NOS2: variants seen among roughly 807,000 people sequenced by gnomAD.
NOS2 encodes the protein nitric oxide synthase, inducible.
A neutral mutation model predicts 136.0 loss-of-function variants in NOS2; 96 were observed. That is an observed-to-expected ratio of 0.71 (90% confidence interval 0.60 to 0.84). The LOEUF (loss-of-function observed/expected upper bound fraction) is 0.84, where lower values mean the gene tolerates loss of function less well. NOS2 is among the 40% of genes least tolerant of loss of function. The pLI is 0.00. For synonymous variants in NOS2, 539 were observed against 587.5 expected (o/e 0.92, Z 1.20); for missense variants, 1,237 against 1,496.9 (o/e 0.83, Z 2.87).
intron 17 of NOS2, among the ~76,000 whole-genome samples, chr17:27,768,344 C>T (rs140176744): frequency 5.9e-5 from 9 of 152,322 alleles, no homozygotes; most frequent in Admixed American, 2.0e-4. Context: ...CTCCACTGTG[C>T]CCGACCACTA....
At chr17:27,774,545 A>C in intron 11 of NOS2, 94 bp from the exon 12 acceptor site, 1 of 921,460 alleles carries the variant, frequency 1.1e-6, no homozygotes, top group Non-Finnish European at 1.5e-6. Flanking sequence ...GTGCCTGGGA[A>C]GGCCTGGCAA....
chr17:27,760,747 G>A lies in NOS2; in HGVS notation c.2889-3C>T. The A allele has an allele frequency of 3.2e-6, 5 of 1,549,460 alleles. No individual in the cohort carries two copies. Among genetic ancestry groups the A allele is most frequent in the Non-Finnish European group, 2.6e-6 (3 of 1,146,838 alleles). On this transcript the variant is annotated splice_polypyrimidine_tract_variant and splice_region_variant and intron_variant, in intron 23 of 26. Transcript: ENST00000313735. Reference sequence around the variant, plus strand: ...CGGGGAGGTGGAAGCCGCTGGCACTGAAGAGGACAGGAGAAGAGGGGGCCA... The same window carrying A: ...CGGGGAGGTGGAAGCCGCTGGCACTAAAGAGGACAGGAGAAGAGGGGGCCA...
At chr17:27,795,052 C>A (rs182508070) in intron 2 of NOS2, among the ~76,000 whole-genome samples, 12 of 152,160 alleles carry the variant, frequency 7.9e-5, no homozygotes, top group Non-Finnish European at 1.3e-4. Flanking sequence ...GCCTCTAGCA[C>A]GGTCCCAGTA....
intron 1 of NOS2, among the ~76,000 whole-genome samples, chr17:27,799,738 C>T (rs142270757): frequency 1.4e-5 from 2 of 145,668 alleles, no homozygotes; most frequent in Non-Finnish European, 3.0e-5. Flanking sequence ...CCCAGCTACT[C>T]GGGAGGCTGA....
At chr17:27,774,481 G>T in intron 11 of NOS2, 30 bp from the exon 12 acceptor site, 1 of 1,421,614 alleles carries the variant, frequency 7.0e-7, no homozygotes, top group Non-Finnish European at 9.3e-7. Context: ...AGGGAGTGGA[G>T]ATAAGGGTGG....
intron 5 of NOS2, among the ~76,000 whole-genome samples, chr17:27,787,193 G>A (rs1253869722): frequency 6.6e-6 from 1 of 152,096 alleles, no homozygotes; most frequent in Non-Finnish European, 1.5e-5. Context: ...TAGGAGTAGG[G>A]GCCTGACTAG....
At chr17:27,783,161 A>C in intron 5 of NOS2, 55 bp from the exon 6 acceptor site, 1 of 1,574,270 alleles carries the variant, frequency 6.4e-7, no homozygotes, top group South Asian at 1.1e-5. Flanking sequence ...TTACATGGGG[A>C]TTAATTCAAT....
At position 27,785,738 on chromosome 17, in the gene NOS2, G is replaced by C. The variant is rs187692578; in HGVS notation, c.467+1940C>G. ...TTTGGGAGGCCAAGGCAGGAGGATCGCTTGAGCTCAGGAGTTCAAGACCAG... is the reference window on the plus strand; with the variant it reads ...TTTGGGAGGCCAAGGCAGGAGGATCCCTTGAGCTCAGGAGTTCAAGACCAG... On this transcript the variant is annotated intron_variant, in intron 5 of 26. Transcript: ENST00000313735. Among the ~76,000 whole-genome samples, 77 of 151,142 alleles carry C rather than the reference G, an allele frequency of 5.1e-4. No individual in the cohort carries two copies. The East Asian group carries it at 0.014, about 28-fold the overall frequency.
In NOS2 at chr17:27,789,669, G is replaced by A. The variant is rs1203237188; in HGVS notation, c.130C>T (p.Leu44Phe). Residue 44 changes from leucine to phenylalanine, a missense_variant, in exon 3 of 27, where the codon CTT becomes TTT. By Grantham distance (22) the Leu-to-Phe change is conservative. Around this residue, in one of 3 missense-constraint regions of NOS2, gnomAD observed 440 missense variants for 545.4 expected, o/e 0.81. Transcript: ENST00000313735. Reference protein sequence around the residue: ...ATSSPVTQDDLQYHNLSKQQN... With the variant: ...ATSSPVTQDDFQYHNLSKQQN... ...TGCTTGCTGAGGTTGTGATACTGAAGGTCATCCTGTGTCACTGGACTGTGA... is the reference window on the plus strand; with the variant it reads ...TGCTTGCTGAGGTTGTGATACTGAAAGTCATCCTGTGTCACTGGACTGTGA... 6.2e-7 allele frequency: 1 copy of A among 1,613,922 alleles called. No individual in the cohort carries two copies. Among genetic ancestry groups the A allele is most frequent in the Non-Finnish European group, 8.5e-7 (1 of 1,179,820 alleles).
chr17:27,775,784 CA>C (rs897998381), intron 11 of NOS2, among the ~76,000 whole-genome samples: 8 of 150,202 alleles, frequency 5.3e-5, no homozygotes, highest in Non-Finnish European at 8.9e-5. Context: ...ACCTTGTCTC[CA>C]AAAAAAAAGT....
At chr17:27,772,160 C>G in intron 14 of NOS2, 148 bp downstream of exon 14, 1 of 879,232 alleles carries the variant, frequency 1.1e-6, no homozygotes, top group Non-Finnish European at 1.7e-6. Context: ...TCCCTGCACA[C>G]AAGTCTTTCC....
At chr17:27,770,504 A>G (rs187221239) in intron 15 of NOS2, among the ~76,000 whole-genome samples, 5 of 152,346 alleles carry the variant, frequency 3.3e-5, no homozygotes, top group Admixed American at 2.6e-4. Context: ...AAATAAATAA[A>G]TAAACAAACA....
At chr17:27,766,460 A>G (rs1187053269) in intron 19 of NOS2, 50 bp downstream of exon 19, 1 of 1,448,268 alleles carries the variant, frequency 6.9e-7, no homozygotes, top group South Asian at 1.1e-5. Flanking sequence ...TTCATTCGTT[A>G]AAATAAAATC....
At chr17:27,777,065 T>C (rs1908681227) in intron 11 of NOS2, among the ~76,000 whole-genome samples, 1 of 152,170 alleles carries the variant, frequency 6.6e-6, no homozygotes, top group South Asian at 2.1e-4. Context: ...GGATGTGTGG[T>C]GCAAAGCCAG....
chr17:27,777,992 G>T (rs1419988826), intron 11 of NOS2, among the ~76,000 whole-genome samples: 1 of 151,466 alleles, frequency 6.6e-6, no homozygotes, highest in Non-Finnish European at 1.5e-5. Context: ...CAGTGATCAT[G>T]CCACTGCATT....
At chr17:27,789,749 T>C (rs968371599) in intron 2 of NOS2, 61 bp from the exon 3 acceptor site, 11 of 1,178,974 alleles carry the variant, frequency 9.3e-6, no homozygotes, top group African/African-American at 1.5e-5. Context: ...CATCTTGGAG[T>C]TCCCTCTGCC....
chr17:27,773,129 C>T (rs372517540), intron 13 of NOS2, 32 bp downstream of exon 13: 5 of 1,517,820 alleles, frequency 3.3e-6, no homozygotes, highest in South Asian at 1.1e-5. Context: ...ATAGTTCACA[C>T]ATCACTACTA....
intron 11 of NOS2, among the ~76,000 whole-genome samples, chr17:27,774,734 C>T (rs151196396): frequency 8.5e-4 from 130 of 152,344 alleles, no homozygotes; most frequent in African/African-American, 2.5e-3. Context: ...GCCTCTCATG[C>T]CCACAGGTCT....
At chr17:27,798,171 T>A (rs2142533060) in intron 2 of NOS2, among the ~76,000 whole-genome samples, 1 of 152,218 alleles carries the variant, frequency 6.6e-6, no homozygotes, top group South Asian at 2.1e-4. Context: ...ATACCACAGG[T>A]GAGCACTAAG....
Sources: gnomAD v4.1 joint callset for allele counts (sites outside exome capture counted in the v4.1 genomes callset) on GRCh38, gnomAD v4.1.1 for gene constraint, gnomAD v4.1.1 regional missense constraint, MANE v1.5 for transcripts, NCBI Gene and HGNC (gene_info 2026-07-23, HGNC 2026-07-21) for gene names.